Variants in MERTK observed in about 807,000 individuals in gnomAD.
MERTK encodes the protein MER proto-oncogene, tyrosine kinase, also known as tyrosine-protein kinase Mer.
MERTK carries 69 observed loss-of-function variants against 99.3 expected under a neutral mutation model. The ratio of observed to expected loss-of-function variants is 0.70; its 90% CI spans 0.57 to 0.85. The LOEUF is 0.85. Among genes scored for constraint, MERTK ranks in the 40% least tolerant of loss-of-function variants. The pLI is 0.00. For synonymous variants in MERTK, 426 were observed against 467.6 expected (o/e 0.91, Z 1.15); for missense variants, 1,125 against 1,249.4 (o/e 0.90, Z 1.50).
In MERTK at chr2:112,029,133, A is replaced by G. The variant is rs1253382781; in HGVS notation, c.*269A>G. 1 of 1,123,812 alleles carries G rather than the reference A, an allele frequency of 8.9e-7. No individual in the cohort carries two copies. Among genetic ancestry groups the G allele is most frequent in the African/African-American group, 1.6e-5 (1 of 61,854 alleles). 69.6% of individuals were successfully genotyped at this position (1,123,812 alleles called of 1,614,324 possible). A position where few individuals can be genotyped will look rare whatever the true frequency, so the allele number is the denominator to read the frequency against. On this transcript the variant is annotated 3_prime_UTR_variant, in exon 19 of 19. Coordinates refer to ENST00000295408, the MANE Select transcript of MERTK (RefSeq NM_006343.3). ...TCATTTCACTTATCTTGCATATCTT[A>G]AAATTAAGCTTCAGCTGCTCCTTGA...
chr2:111,944,481 T>C (rs1440057458), intron 2 of MERTK, among the ~76,000 whole-genome samples: 1 of 398 alleles, frequency 2.5e-3, no homozygotes, highest in Non-Finnish European at 5.7e-3. Flanking sequence ...AAATTATTTA[T>C]TAATTCCTAA....
chr2:111,928,252 G>T lies in MERTK; in HGVS notation c.62-868G>T, dbSNP rs573042468. On this transcript the variant is annotated intron_variant, in intron 1 of 18. Coordinates refer to ENST00000295408, the MANE Select transcript of MERTK (RefSeq NM_006343.3). ...TTTTTTTTTTTTTTTTTGAGACAGG[G>T]TCTCACTCTGTCACCCAGGCTGGAG... Among the ~76,000 whole-genome samples the T allele has an allele frequency of 5.7e-5, 7 of 121,998 alleles. No homozygotes were observed. In the South Asian group the frequency reaches 1.4e-3, roughly 25 times the overall value. 80.0% of individuals were successfully genotyped at this position (121,998 alleles called of 152,430 possible). A position where few individuals can be genotyped will look rare whatever the true frequency, so the allele number is the denominator to read the frequency against.
At chr2:111,988,344 G>T (rs1029320360) in intron 8 of MERTK, among the ~76,000 whole-genome samples, 1 of 152,180 alleles carries the variant, frequency 6.6e-6, no homozygotes, top group Non-Finnish European at 1.5e-5. Flanking sequence ...GAAACCCAGG[G>T]ATTGATCAAA....
chr2:111,984,038 C>T (rs1001049386), intron 8 of MERTK, among the ~76,000 whole-genome samples: 1 of 152,174 alleles, frequency 6.6e-6, no homozygotes, highest in Non-Finnish European at 1.5e-5. Context: ...AGAAGTCTCA[C>T]GATCTGCCAT....
chr2:111,912,418 G>A (rs1343590941), intron 1 of MERTK, among the ~76,000 whole-genome samples: 2 of 152,102 alleles, frequency 1.3e-5, no homozygotes, highest in African/African-American at 4.8e-5. Flanking sequence ...ATAATTAAAT[G>A]TGCAGATTTT....
intron 13 of MERTK, among the ~76,000 whole-genome samples, chr2:112,007,530 C>T (rs953876718): frequency 6.6e-6 from 1 of 152,126 alleles, no homozygotes; most frequent in South Asian, 2.1e-4. Context: ...TCTCCCCAGC[C>T]CTGGCAAGCA....
intron 4 of MERTK, among the ~76,000 whole-genome samples, chr2:111,949,462 C>T (rs779133658): frequency 3.9e-5 from 6 of 152,154 alleles, no homozygotes; most frequent in Non-Finnish European, 7.3e-5. Flanking sequence ...ATGGTTTTCT[C>T]TCCTTCATCT....
intron 1 of MERTK, among the ~76,000 whole-genome samples, chr2:111,914,097 CTTTCTTTTTTTT>C (rs1455549230): frequency 1.7e-5 from 2 of 117,422 alleles, no homozygotes; most frequent in Admixed American, 8.6e-5. Flanking sequence ...TTCTTTCTTT[CTTTCTTTTTTTT>C]TTTTTTTTTT....
intron 18 of MERTK, among the ~76,000 whole-genome samples, chr2:112,023,596 C>T (rs1053678239): frequency 6.6e-6 from 1 of 152,076 alleles, no homozygotes; most frequent in African/African-American, 2.4e-5. Context: ...CAATAGGCCA[C>T]GCTCTGCTTC....
At chr2:111,919,244 A>G (rs1351692032) in intron 1 of MERTK, among the ~76,000 whole-genome samples, 1 of 151,668 alleles carries the variant, frequency 6.6e-6, no homozygotes, top group African/African-American at 2.4e-5. Context: ...AGTGCCCCCC[A>G]TCCCTGGCCT....
chr2:111,929,037 T>G (rs986850476), intron 1 of MERTK, 83 bp from the exon 2 acceptor site: 4 of 1,470,834 alleles, frequency 2.7e-6, no homozygotes, highest in Admixed American at 1.7e-5. Context: ...CAGTGCTCTC[T>G]CTTCTTGGCC....
chr2:111,936,779 C>A (rs1340857628), intron 2 of MERTK, among the ~76,000 whole-genome samples: 5 of 152,252 alleles, frequency 3.3e-5, no homozygotes, highest in Middle Eastern at 3.4e-3. Context: ...CTAGCATATC[C>A]GTTTGTCCAG....
At chr2:112,018,741 T>C (rs1029114602) in intron 15 of MERTK, among the ~76,000 whole-genome samples, 2 of 152,194 alleles carry the variant, frequency 1.3e-5, no homozygotes, top group African/African-American at 4.8e-5. Flanking sequence ...GCTGGTTTTC[T>C]AACACAGCAA....
chr2:111,931,282 A>G (rs1281767644), intron 2 of MERTK, among the ~76,000 whole-genome samples: 2 of 151,994 alleles, frequency 1.3e-5, no homozygotes, highest in East Asian at 1.9e-4. Flanking sequence ...CAACTTCCAC[A>G]TTACTCTGGC....
chr2:112,023,743 T>C (rs1194256542), intron 18 of MERTK, among the ~76,000 whole-genome samples: 1 of 152,208 alleles, frequency 6.6e-6, no homozygotes, highest in Non-Finnish European at 1.5e-5. Context: ...GTCTCCTCCC[T>C]GTATAATAAG....
At chr2:111,919,520 A>T (rs1291231574) in intron 1 of MERTK, among the ~76,000 whole-genome samples, 1 of 152,082 alleles carries the variant, frequency 6.6e-6, no homozygotes, top group Non-Finnish European at 1.5e-5. Flanking sequence ...TGAAAAGTCG[A>T]GGTCAGATTC....
chr2:111,934,368 A>G (rs2104692014), intron 2 of MERTK, among the ~76,000 whole-genome samples: 1 of 152,260 alleles, frequency 6.6e-6, no homozygotes, highest in East Asian at 1.9e-4. Flanking sequence ...ATTTCTCCAC[A>G]TCCTCTCCAG....
rs946734992 is a variant in MERTK, at chr2:111,977,869, C to T, written c.1144+2397C>T. ...TCCAGTTTATATTTCATCTCATACA[C>T]CGTAATTTTTATCTCTTTTTTGCAT... On this transcript the variant is annotated intron_variant, in intron 7 of 18. Transcript: ENST00000295408. Among the ~76,000 whole-genome samples, 35 of 152,272 alleles carry T rather than the reference C, an allele frequency of 2.3e-4. 1 individual carries two copies. The highest frequency in any genetic ancestry group is 7.5e-4 in the African/African-American group (31 of 41,562).
At chr2:112,016,919 G>A (rs1162083656) in intron 15 of MERTK, among the ~76,000 whole-genome samples, 5 of 152,170 alleles carry the variant, frequency 3.3e-5, no homozygotes, top group African/African-American at 1.2e-4. Context: ...TGGGTTCTTG[G>A]TCTCGCTGAC....
Sources: allele counts gnomAD v4.1 joint callset (sites outside exome capture counted in the v4.1 genomes callset), GRCh38; gene constraint gnomAD v4.1.1; transcripts MANE v1.5; gene names NCBI Gene and HGNC (gene_info 2026-07-23, HGNC 2026-07-21).